The following RILPL1 variants were observed in gnomAD, a reference collection of about 807,000 sequenced individuals.
RILPL1 encodes the protein Rab interacting lysosomal protein like 1, also known as RILP-like protein 1.
RILPL1 carries 33 observed loss-of-function variants against 50.3 expected under a neutral mutation model. That is an observed-to-expected ratio of 0.66 (90% CI 0.50 to 0.88). The LOEUF (loss-of-function observed/expected upper bound fraction) is 0.88, where lower values mean the gene tolerates loss of function less well. Ranked by LOEUF, RILPL1 falls within the 40% of genes least tolerant of loss-of-function variation. RILPL1 has a pLI of 0.00. For missense variants in RILPL1, 418 were observed against 542.5 expected, an observed-to-expected ratio of 0.77 and a Z score of 2.28; for synonymous variants, 205 against 228.6, an observed-to-expected ratio of 0.90 and a Z score of 0.93.
At chr12:123,509,394 T>A (rs1381903541) in intron 2 of RILPL1, among the ~76,000 whole-genome samples, 2 of 151,652 alleles carry the variant, frequency 1.3e-5, no homozygotes, top group Non-Finnish European at 2.9e-5. Context: ...AGAAACCCCA[T>A]CTCTACTAAA....
At chr12:123,518,334 G>A (rs538500518) in intron 2 of RILPL1, 2 of 425,826 alleles carry the variant, frequency 4.7e-6, no homozygotes, top group African/African-American at 2.1e-5. Flanking sequence ...TGAGACCCCC[G>A]TCTCTACCAA....
intron 2 of RILPL1, among the ~76,000 whole-genome samples, chr12:123,505,311 C>T (rs1307804428): frequency 3.3e-5 from 5 of 152,090 alleles, no homozygotes; most frequent in South Asian, 2.1e-4. Context: ...GGATTACAGG[C>T]GTGAGCCACT....
At chr12:123,505,614 G>A (rs1276842936) in intron 2 of RILPL1, among the ~76,000 whole-genome samples, 3 of 151,880 alleles carry the variant, frequency 2.0e-5, no homozygotes, top group Admixed American at 6.6e-5. Flanking sequence ...CACTGTGCCC[G>A]GCCATCGAGT....
At chr12:123,531,419 G>A (rs2139396203) in intron 1 of RILPL1, among the ~76,000 whole-genome samples, 1 of 152,264 alleles carries the variant, frequency 6.6e-6, no homozygotes, top group East Asian at 1.9e-4. Context: ...GACAGTATAG[G>A]TGCCAGGACT....
intron 1 of RILPL1, among the ~76,000 whole-genome samples, chr12:123,528,252 G>C (rs1566148070): frequency 6.6e-6 from 1 of 151,734 alleles, no homozygotes; most frequent in Non-Finnish European, 1.5e-5. Context: ...TGAGCTACTT[G>C]GGAAGCTGAG....
intron 2 of RILPL1, among the ~76,000 whole-genome samples, chr12:123,512,900 G>A (rs1884447529): frequency 7.8e-6 from 1 of 127,952 alleles, no homozygotes; most frequent in African/African-American, 3.5e-5. Flanking sequence ...TGTGTGCAGT[G>A]TGAGTGCGTG....
chr12:123,506,226 G>A (rs1883742455), intron 2 of RILPL1, among the ~76,000 whole-genome samples: 1 of 152,228 alleles, frequency 6.6e-6, no homozygotes, highest in Non-Finnish European at 1.5e-5. Context: ...AGCACAGGCG[G>A]CAGTGAGTGC....
At position 123,485,863 on chromosome 12, in the gene RILPL1, C is replaced by G; in HGVS notation, c.802-58G>C. 6.6e-7 allele frequency: 1 copy of G among 1,525,850 alleles called. No individual in the cohort carries two copies. Among genetic ancestry groups the G allele is most frequent in the Non-Finnish European group, 8.8e-7 (1 of 1,138,364 alleles). The allele number at this position is 1,525,850 out of a possible 1,614,324, so 94.5% of individuals were successfully genotyped here. ...TTGGCAGCCACTGCCAGCACCCACTCTCTATCCTGAAGGAGCCCAAATTCT... is the reference window on the plus strand; with the variant it reads ...TTGGCAGCCACTGCCAGCACCCACTGTCTATCCTGAAGGAGCCCAAATTCT... On this transcript the variant is annotated intron_variant, in intron 4 of 6. Coordinates refer to ENST00000376874, the MANE Select transcript of RILPL1 (RefSeq NM_178314.5). This position sits in a 1 kb window ranked among gnomAD's most constrained non-coding sequence, Gnocchi z 4.0.
rs183073662 is a variant in RILPL1 at position 123,490,146 on chromosome 12, C to T, written c.802-4341G>A. Among the ~76,000 whole-genome samples, 4 of 152,194 alleles carry T rather than the reference C, an allele frequency of 2.6e-5. No homozygotes were observed. The East Asian group carries it at 7.7e-4, about 29-fold the overall frequency. ...CCCTTCCTCCTCAGACAGCTCGGGT[C>T]CTGCCTTTCATAGCAGGTCAGGGCC... On this transcript the variant is annotated intron_variant, in intron 4 of 6. Transcript: ENST00000376874.
chr12:123,484,349 C>G (rs1882192554), intron 5 of RILPL1, 77 bp from the exon 6 acceptor site: 2 of 975,826 alleles, frequency 2.0e-6, no homozygotes, highest in African/African-American at 3.2e-5. Flanking sequence ...AGAGAAGTGT[C>G]TGATGGTCTG....
At chr12:123,531,257 C>A (rs942962171) in intron 1 of RILPL1, among the ~76,000 whole-genome samples, 41 of 152,074 alleles carry the variant, frequency 2.7e-4, no homozygotes, top group African/African-American at 9.2e-4. Flanking sequence ...TGGCCCTGAG[C>A]GCACGGTGTT....
At chr12:123,529,678 CA>C (rs1446661338) in intron 1 of RILPL1, among the ~76,000 whole-genome samples, 1 of 151,476 alleles carries the variant, frequency 6.6e-6, no homozygotes, top group Admixed American at 6.6e-5. Context: ...TGCTTGAGCC[CA>C]AAAGCTCAAG....
intron 2 of RILPL1, among the ~76,000 whole-genome samples, chr12:123,516,486 G>A (rs528870011): frequency 1.3e-5 from 2 of 152,340 alleles, no homozygotes; most frequent in South Asian, 4.1e-4. Flanking sequence ...GCTTCCTCTT[G>A]CTTTCCCTGT....
intron 6 of RILPL1, among the ~76,000 whole-genome samples, chr12:123,480,319 C>T (rs566576083): frequency 4.9e-4 from 74 of 151,916 alleles, no homozygotes; most frequent in African/African-American, 1.8e-3. Flanking sequence ...CACCACCACA[C>T]CTGGCTAATT....
intron 6 of RILPL1, among the ~76,000 whole-genome samples, chr12:123,478,799 C>T (rs1413709796): frequency 1.3e-5 from 2 of 152,162 alleles, no homozygotes; most frequent in African/African-American, 2.4e-5. Flanking sequence ...TCCATGGGAC[C>T]ATGACTGAGA....
intron 2 of RILPL1, among the ~76,000 whole-genome samples, chr12:123,521,585 G>GTA (rs1326007392): frequency 2.8e-5 from 1 of 36,202 alleles, no homozygotes; most frequent in African/African-American, 8.0e-5. Context: ...ACACATATGT[G>GTA]TATATATATA....
chr12:123,479,583 G>A lies in RILPL1; in HGVS notation c.1067+4597C>T, dbSNP rs116058073. Among the ~76,000 whole-genome samples the A allele has an allele frequency of 8.0e-3, 1,222 of 152,244 alleles. 21 individuals are homozygous for A. The highest frequency in any genetic ancestry group is 0.027 in the African/African-American group (1,127 of 41,550). On this transcript the variant is annotated intron_variant, in intron 6 of 6. Coordinates refer to ENST00000376874, the MANE Select transcript of RILPL1 (RefSeq NM_178314.5). ...GCCTCTGGGCTCACAGGCTGCTCTGGTACAGCTTCCAACCAGCAGTAGAGG... is the reference window on the plus strand; with the variant it reads ...GCCTCTGGGCTCACAGGCTGCTCTGATACAGCTTCCAACCAGCAGTAGAGG...
At chr12:123,488,789 C>T (rs751100329) in intron 4 of RILPL1, among the ~76,000 whole-genome samples, 14 of 152,330 alleles carry the variant, frequency 9.2e-5, no homozygotes, top group African/African-American at 3.1e-4. Flanking sequence ...AATCTGACCC[C>T]GGCCGCCCTC....
chr12:123,520,168 C>T (rs768924374), intron 2 of RILPL1, among the ~76,000 whole-genome samples: 1 of 152,192 alleles, frequency 6.6e-6, no homozygotes, highest in Non-Finnish European at 1.5e-5. Context: ...TCACAACAGC[C>T]AAAAGGTGGT....
Sources: gnomAD v4.1 joint callset for allele counts (sites outside exome capture counted in the v4.1 genomes callset) on GRCh38, gnomAD v4.1.1 for gene constraint, Gnocchi (gnomAD v3.1) non-coding constraint, MANE v1.5 for transcripts, NCBI Gene and HGNC (gene_info 2026-07-23, HGNC 2026-07-21) for gene names.